The following AHNAK variants were observed in gnomAD, a reference collection of about 807,000 sequenced individuals.
AHNAK encodes AHNAK nucleoprotein.
Under a neutral mutation model 37.8 loss-of-function variants are expected in AHNAK, and 23 were observed. The ratio of observed to expected loss-of-function variants is 0.61; its 90% CI spans 0.44 to 0.86. The LOEUF is 0.86. Ranked by LOEUF, AHNAK falls within the 40% of genes least tolerant of loss-of-function variation. The pLI is 0.00. For missense variants in AHNAK, 7,411 were observed against 7,319.4 expected (o/e 1.01, Z -0.46); for synonymous variants, 2,481 against 2,636.3 (o/e 0.94, Z 1.80).
Position 62,522,622 on chromosome 11 carries a change from A to T in AHNAK, c.11795T>A (p.Met3932Lys), listed in dbSNP as rs1940302119. The change falls in exon 5 of 5, where the codon ATG becomes AAG. Residue 3932 changes from methionine (M) to lysine (K), a missense_variant. Transcript: ENST00000378024. ...GATCTTGGGCATTTTTATCTTAGGC[A>T]TCTTCAGGTGCCAGTCTGGGCCTCG... The part of the protein sequence containing the change: ...DVRGPDWHLK[M>K]PKIKMPKISM... 2 of 1,611,792 alleles carry T rather than the reference A, an allele frequency of 1.2e-6. No individual in the cohort carries two copies. The highest frequency in any genetic ancestry group is 3.3e-5 in the Admixed American group (2 of 59,768).
At chr11:62,512,661 T>C (rs1226696990), downstream of AHNAK, among the ~76,000 whole-genome samples, 1 of 152,120 alleles carries the variant, frequency 6.6e-6, no homozygotes, top group East Asian at 1.9e-4. The surrounding 1 kb of genome is among the most constrained non-coding windows in gnomAD (Gnocchi z 4.0). Context: ...CCCAGCACTT[T>C]GGGAGGCCAA....
At chr11:62,469,907 T>G (rs1356256702) in intron 5 of AHNAK, among the ~76,000 whole-genome samples, 1 of 152,314 alleles carries the variant, frequency 6.6e-6, no homozygotes, top group East Asian at 1.9e-4. Context: ...AAAAGCACAG[T>G]TCATCAATGT....
chr11:62,435,814 C>T (rs1285796661), intron 5 of AHNAK, among the ~76,000 whole-genome samples: 1 of 152,172 alleles, frequency 6.6e-6, no homozygotes, highest in African/African-American at 2.4e-5. Flanking sequence ...TCCCAAAGTG[C>T]TGGGATTGCA....
intron 5 of AHNAK, among the ~76,000 whole-genome samples, chr11:62,484,196 G>A (rs1331709662): frequency 6.6e-6 from 1 of 151,704 alleles, no homozygotes; most frequent in Admixed American, 6.6e-5. Flanking sequence ...GAAAAACGTA[G>A]TGAAACCCCA....
intron 4 of AHNAK, among the ~76,000 whole-genome samples, chr11:62,510,287 A>G (rs1008603293): frequency 6.6e-6 from 1 of 151,004 alleles, no homozygotes; most frequent in South Asian, 2.1e-4. Flanking sequence ...CTCAAGATCC[A>G]CCCGCCTCAG....
At position 62,527,703 on chromosome 11, in the gene AHNAK, G is replaced by C. The variant is rs763117698; in HGVS notation, c.6714C>G (p.Asp2238Glu). ...TCATCTTAGGCATCTTCAGGTGCCA[G>C]TCTGGGCCATGAACATCCACATCTG... Reference protein sequence around the residue: ...DAPDVDVHGPDWHLKMPKMKM... With the variant: ...DAPDVDVHGPEWHLKMPKMKM... The change falls in exon 5 of 5, where the codon GAC becomes GAG. Residue 2238 changes from aspartate to glutamate, a missense_variant. Transcript: ENST00000378024. 3 of 1,614,104 alleles carry C rather than the reference G, an allele frequency of 1.9e-6. No individual in the cohort carries two copies.
intron 4 of AHNAK, among the ~76,000 whole-genome samples, chr11:62,497,232 G>A (rs117035810): frequency 6.6e-6 from 1 of 152,206 alleles, no homozygotes; most frequent in African/African-American, 2.4e-5. Flanking sequence ...CCAAAGGCCA[G>A]TGCACCATGC....
chr11:62,441,009 T>A (rs1355720322), intron 5 of AHNAK, among the ~76,000 whole-genome samples: 1 of 151,986 alleles, frequency 6.6e-6, no homozygotes, highest in African/African-American at 2.4e-5. Context: ...TATAATTTTT[T>A]TTTTTTTTGA....
intron 5 of AHNAK, among the ~76,000 whole-genome samples, chr11:62,467,620 G>A (rs1938940173): frequency 6.6e-6 from 1 of 152,216 alleles, no homozygotes; most frequent in Non-Finnish European, 1.5e-5. Flanking sequence ...GGGAGGCGGA[G>A]GTTGCAGTGA....
rs748981883 is a variant in AHNAK at position 62,521,369 on chromosome 11, G to A, written c.13048C>T (p.Pro4350Ser). Residue 4350 changes from proline to serine, a missense_variant, in exon 5 of 5, where the codon CCC (proline) becomes TCC (serine). Transcript: ENST00000378024. ...TCAGGGGCATCAATGTCCACTTTGG[G>A]GCCAGAAATCTCAATGTCAGCCTTA... ...LPKADIEISG[P>S]KVDIDAPDVS... 2 of 1,613,778 alleles carry A rather than the reference G, an allele frequency of 1.2e-6. No individual in the cohort carries two copies. Among genetic ancestry groups the A allele is most frequent in the Non-Finnish European group, 1.7e-6 (2 of 1,179,978 alleles).
At chr11:62,510,768 T>C (rs1433090573) in intron 4 of AHNAK, among the ~76,000 whole-genome samples, 3 of 151,584 alleles carry the variant, frequency 2.0e-5, no homozygotes, top group African/African-American at 7.3e-5. Flanking sequence ...AAAAACCATA[T>C]ATATATATAT....
At chr11:62,505,131 G>C (rs1939785858) in intron 4 of AHNAK, among the ~76,000 whole-genome samples, 1 of 152,212 alleles carries the variant, frequency 6.6e-6, no homozygotes, top group East Asian at 1.9e-4. Context: ...AAGGGGTGAG[G>C]TCCCGTGGCC....
Position 62,526,088 on chromosome 11 carries a change from G to A in AHNAK, c.8329C>T (p.Pro2777Ser). Reference sequence around the variant, plus strand: ...TCTGGACCTTCTCCTTTGAAGCCAGGCATGCTGATCTTGGGCATTTTTATC... The same window carrying A: ...TCTGGACCTTCTCCTTTGAAGCCAGACATGCTGATCTTGGGCATTTTTATC... ...PKIKMPKISM[P>S]GFKGEGPDVD... The change falls in exon 5 of 5, where the codon CCT (proline) becomes TCT (serine). Residue 2777 changes from proline to serine, a missense_variant. Pro to Ser is a moderately conservative substitution (Grantham distance 74). Coordinates refer to ENST00000378024, the MANE Select transcript of AHNAK (RefSeq NM_001620.3). The A allele has an allele frequency of 2.5e-6, 4 of 1,613,516 alleles. No individual in the cohort carries two copies. The highest frequency in any genetic ancestry group is 3.4e-6 in the Non-Finnish European group (4 of 1,179,912).
intron 4 of AHNAK, among the ~76,000 whole-genome samples, chr11:62,494,607 C>CT (rs1939572544): frequency 6.6e-6 from 1 of 152,062 alleles, no homozygotes; most frequent in African/African-American, 2.4e-5. Flanking sequence ...TGGCTCACAC[C>CT]TGTAATCCCA....
rs1460243772 is a variant in AHNAK at position 62,516,035 on chromosome 11, C to T, written c.*709G>A. The stretch of plus-strand genomic sequence containing the variant: ...GTTAAAAAGAAATCAGAACTAATAT[C>T]AGGAACATGGCGGCATGAAGGAAAC... On this transcript the variant is annotated 3_prime_UTR_variant, in exon 5 of 5. Transcript: ENST00000378024. 8.5e-7 allele frequency: 1 copy of T among 1,180,732 alleles called. No individual in the cohort carries two copies. Among genetic ancestry groups the T allele is most frequent in the Admixed American group, 3.6e-5 (1 of 27,782 alleles). The allele number at this position is 1,180,732 out of a possible 1,614,324, so 73.1% of individuals were successfully genotyped here.
At chr11:62,506,559 G>A (rs1449527953) in intron 4 of AHNAK, among the ~76,000 whole-genome samples, 6 of 152,108 alleles carry the variant, frequency 3.9e-5, no homozygotes. Context: ...CCCCAGACAG[G>A]AGGCTCAGCC....
intron 5 of AHNAK, among the ~76,000 whole-genome samples, chr11:62,466,141 G>A (rs375129485): frequency 1.6e-4 from 25 of 152,048 alleles, no homozygotes; most frequent in African/African-American, 5.3e-4. Context: ...CCAACATGGC[G>A]AAATCCCGTC....
In AHNAK at chr11:62,524,493, C is replaced by G; in HGVS notation, c.9924G>C (p.Lys3308Asn). Reference sequence around the variant, plus strand: ...TGGGCCCAGAGACATCAACATCTCCCTTAAGCTTTGAGCCTTTCAAATTCA... The same window carrying G: ...TGGGCCCAGAGACATCAACATCTCCGTTAAGCTTTGAGCCTTTCAAATTCA... The part of the protein sequence containing the change: ...IDLNLKGSKL[K>N]GDVDVSGPKL... Residue 3308 changes from lysine (K) to asparagine (N), a missense_variant, in exon 5 of 5, where the codon AAG becomes AAC. Coordinates refer to ENST00000378024, the MANE Select transcript of AHNAK (RefSeq NM_001620.3). 6 of 1,614,098 alleles carry G rather than the reference C, an allele frequency of 3.7e-6. No homozygotes were observed. The highest frequency in any genetic ancestry group is 5.1e-6 in the Non-Finnish European group (6 of 1,180,020).
chr11:62,500,078 T>C (rs1939685401), intron 4 of AHNAK, among the ~76,000 whole-genome samples: 1 of 152,152 alleles, frequency 6.6e-6, no homozygotes, highest in Non-Finnish European at 1.5e-5. Context: ...GCAGGTGAAA[T>C]GCCTCAAGAC....
Sources: gnomAD v4.1 joint callset for allele counts (sites outside exome capture counted in the v4.1 genomes callset) on GRCh38, gnomAD v4.1.1 for gene constraint, Gnocchi (gnomAD v3.1) non-coding constraint, MANE v1.5 for transcripts, NCBI Gene and HGNC (gene_info 2026-07-23, HGNC 2026-07-21) for gene names.